Variants in WWOX observed in about 807,000 individuals in gnomAD.
WWOX encodes the protein WW domain containing oxidoreductase, also known as WW domain-containing oxidoreductase.
In WWOX, 69 loss-of-function variants were observed where a neutral mutation model predicts 46.2. The observed-to-expected ratio is 1.49, with a 90% CI of 1.23 to 1.82. The LOEUF (loss-of-function observed/expected upper bound fraction) is 1.82, where lower values mean the gene tolerates loss of function less well. WWOX is among the 40% of genes most tolerant of loss of function. WWOX has a pLI of 0.00. For synonymous variants in WWOX, 359 were observed against 202.6 expected (o/e 1.77, Z -6.56); for missense variants, 919 against 542.6 (o/e 1.69, Z -6.89).
At chr16:78,740,358 A>G (rs1365502386) in intron 8 of WWOX, among the ~76,000 whole-genome samples, 3 of 152,178 alleles carry the variant, frequency 2.0e-5, no homozygotes, top group Non-Finnish European at 2.9e-5. Flanking sequence ...CTCTTGAAGC[A>G]CAGTAAATGC....
intron 8 of WWOX, among the ~76,000 whole-genome samples, chr16:78,805,608 A>C (rs1321780287): frequency 6.6e-6 from 1 of 152,094 alleles, no homozygotes; most frequent in Non-Finnish European, 1.5e-5. Flanking sequence ...AGGCATCTTG[A>C]AGGTAGATGC....
chr16:78,965,243 A>G (rs751272523), intron 8 of WWOX, among the ~76,000 whole-genome samples: 1 of 152,212 alleles, frequency 6.6e-6, no homozygotes, highest in East Asian at 1.9e-4. Flanking sequence ...CCACAGAGAT[A>G]GTATTGATGG....
rs1057518795 is a variant in WWOX at position 78,432,613 on chromosome 16, AG to A, written c.918del (p.Glu306AspfsTer21). The A allele has an allele frequency of 1.2e-6, 2 of 1,614,138 alleles. No homozygotes were observed. Among genetic ancestry groups the A allele is most frequent in the Non-Finnish European group, 1.7e-6 (2 of 1,180,028 alleles). ...CTCTGCAACATCCTCTTCTCCAACG[AG>A]CTGCACCGTCGCCTCTCCCCACGCG... ...SKLCNILFSN[E>X]LHRRLSPRGV... On this transcript the variant is annotated frameshift_variant, in exon 8 of 9. Coordinates refer to ENST00000566780, the MANE Select transcript of WWOX (RefSeq NM_016373.4). LOFTEE classifies it high-confidence loss of function.
intron 8 of WWOX, among the ~76,000 whole-genome samples, chr16:79,029,420 G>T (rs1862839): frequency 1.3e-5 from 2 of 151,948 alleles, no homozygotes; most frequent in East Asian, 1.9e-4. Context: ...GTCAAAACAT[G>T]TGTGCACCAG....
chr16:78,547,127 GAAAAAAAAAAAAAAA>G (rs199726097), intron 8 of WWOX, among the ~76,000 whole-genome samples: 53,900 of 87,948 alleles, frequency 0.61, 14,453 homozygotes, highest in Admixed American at 0.73. Context: ...CCTTGTCTCA[GAAAAAAAAAAAAAAA>G]AAAAAAAAAA....
intron 4 of WWOX, among the ~76,000 whole-genome samples, chr16:78,135,788 C>T (rs1233185942): frequency 6.6e-6 from 1 of 152,170 alleles, no homozygotes; most frequent in African/African-American, 2.4e-5. Context: ...ATCTGTGATT[C>T]CTTTTTTACT....
At chr16:78,982,075 CA>C (rs770820736) in intron 8 of WWOX, among the ~76,000 whole-genome samples, 5 of 151,938 alleles carry the variant, frequency 3.3e-5, no homozygotes, top group Non-Finnish European at 7.4e-5. Context: ...GGATTTGGCC[CA>C]TCTGAGCCTC....
At chr16:78,625,327 C>G (rs1288865512) in intron 8 of WWOX, among the ~76,000 whole-genome samples, 1 of 152,174 alleles carries the variant, frequency 6.6e-6, no homozygotes, top group Admixed American at 6.5e-5. Context: ...GGAGCCTCCC[C>G]ATCCAAGGCC....
chr16:78,770,005 C>T (rs111803891), intron 8 of WWOX, among the ~76,000 whole-genome samples: 5 of 152,028 alleles, frequency 3.3e-5, no homozygotes, highest in African/African-American at 4.8e-5. Context: ...GATCTCACCT[C>T]TGTACTACAG....
At chr16:78,424,406 C>T (rs1232538667) in intron 6 of WWOX, among the ~76,000 whole-genome samples, 1 of 152,136 alleles carries the variant, frequency 6.6e-6, no homozygotes, top group Non-Finnish European at 1.5e-5. Flanking sequence ...AGGCGTGAGC[C>T]CCCGCGCCTG....
At chr16:78,802,123 T>A (rs2050906184) in intron 8 of WWOX, among the ~76,000 whole-genome samples, 3 of 152,128 alleles carry the variant, frequency 2.0e-5, no homozygotes, top group Admixed American at 6.6e-5. Context: ...AATCTCACTC[T>A]TAGATCAGAC....
At chr16:78,494,880 A>G (rs180964009) in intron 8 of WWOX, among the ~76,000 whole-genome samples, 1 of 152,294 alleles carries the variant, frequency 6.6e-6, no homozygotes, top group African/African-American at 2.4e-5. Context: ...GTGACAGCCC[A>G]TTCGGAGGGT....
intron 8 of WWOX, among the ~76,000 whole-genome samples, chr16:78,481,319 C>T (rs1318850380): frequency 6.6e-6 from 1 of 152,110 alleles, no homozygotes; most frequent in Non-Finnish European, 1.5e-5. Context: ...TGGCCTCTGT[C>T]TCTCTTGGTT....
chr16:78,981,383 G>C (rs1371735574), intron 8 of WWOX, among the ~76,000 whole-genome samples: 4 of 152,038 alleles, frequency 2.6e-5, no homozygotes, highest in Admixed American at 2.6e-4. Flanking sequence ...CACGGACAAT[G>C]TGGGCAGCTG....
At chr16:78,396,302 C>A (rs918767989) in intron 6 of WWOX, among the ~76,000 whole-genome samples, 3 of 150,838 alleles carry the variant, frequency 2.0e-5, no homozygotes, top group Non-Finnish European at 4.4e-5. Context: ...TGACATTTGT[C>A]GGAAAAAAAA....
chr16:78,936,634 A>G (rs1433678075), intron 8 of WWOX, among the ~76,000 whole-genome samples: 4 of 152,138 alleles, frequency 2.6e-5, no homozygotes, highest in Admixed American at 1.3e-4. Flanking sequence ...GGGTTTTGGA[A>G]CATGTCTTGA....
intron 8 of WWOX, among the ~76,000 whole-genome samples, chr16:78,762,865 A>G (rs1482760849): frequency 6.6e-6 from 1 of 152,204 alleles, no homozygotes; most frequent in African/African-American, 2.4e-5. Flanking sequence ...ATGCAACGCT[A>G]CTTTGAAGGA....
chr16:79,043,043 C>T (rs1287582413), intron 8 of WWOX, among the ~76,000 whole-genome samples: 3 of 152,098 alleles, frequency 2.0e-5, no homozygotes, highest in East Asian at 1.9e-4. Flanking sequence ...ACAGGCTCTC[C>T]TGTCATCAAG....
chr16:78,682,192 A>G (rs1332571046), intron 8 of WWOX, among the ~76,000 whole-genome samples: 1 of 152,202 alleles, frequency 6.6e-6, no homozygotes, highest in Non-Finnish European at 1.5e-5. Flanking sequence ...AGGATCTGCT[A>G]CAATCGCTTG....
Sources: allele counts gnomAD v4.1 joint callset (sites outside exome capture counted in the v4.1 genomes callset), GRCh38; gene constraint gnomAD v4.1.1; transcripts MANE v1.5; gene names NCBI Gene and HGNC (gene_info 2026-07-23, HGNC 2026-07-21).